Variants in CNTN4 observed in about 807,000 individuals in gnomAD.
CNTN4 encodes the protein contactin 4.
Under a neutral mutation model 122.5 loss-of-function variants are expected in CNTN4, and 77 were observed. That is an observed-to-expected ratio of 0.63 (90% CI 0.52 to 0.76). The LOEUF (loss-of-function observed/expected upper bound fraction) is 0.76, where lower values mean the gene tolerates loss of function less well. Ranked by LOEUF, CNTN4 falls within the 30% of genes least tolerant of loss-of-function variation. CNTN4 has a pLI of 0.00. For synonymous variants in CNTN4, 512 were observed against 447.0 expected, an observed-to-expected ratio of 1.15 and a Z score of -1.83; for missense variants, 1,256 against 1,259.1, an observed-to-expected ratio of 1.00 and a Z score of 0.04.
chr3:2,542,690 G>C (rs768363422), intron 3 of CNTN4, among the ~76,000 whole-genome samples: 2 of 152,236 alleles, frequency 1.3e-5, no homozygotes, highest in East Asian at 3.9e-4. Context: ...TGTCATCATA[G>C]AGATGCTTTG....
chr3:2,362,851 A>T (rs544617509), intron 3 of CNTN4: 2 of 179,512 alleles, frequency 1.1e-5, no homozygotes, highest in East Asian at 3.2e-4. Flanking sequence ...ACAATCAATC[A>T]GTCAATACAT....
chr3:2,778,900 G>C (rs1481395205), intron 6 of CNTN4, among the ~76,000 whole-genome samples: 1 of 152,016 alleles, frequency 6.6e-6, no homozygotes, highest in Non-Finnish European at 1.5e-5. Context: ...ATATTCCCAG[G>C]GCTGTAATGC....
At chr3:2,515,668 C>T (rs758664145) in intron 3 of CNTN4, among the ~76,000 whole-genome samples, 1 of 151,986 alleles carries the variant, frequency 6.6e-6, no homozygotes, top group Non-Finnish European at 1.5e-5. Context: ...TAGTTGAAAA[C>T]AGCAGATGAA....
intron 13 of CNTN4, among the ~76,000 whole-genome samples, chr3:2,956,351 A>G (rs1418496158): frequency 6.6e-6 from 1 of 152,120 alleles, no homozygotes; most frequent in Non-Finnish European, 1.5e-5. Flanking sequence ...AAAGTTCTGA[A>G]GATGGATGGT....
chr3:2,439,287 G>A (rs1054121889), intron 3 of CNTN4, among the ~76,000 whole-genome samples: 16 of 152,180 alleles, frequency 1.1e-4, no homozygotes, highest in African/African-American at 3.6e-4. Flanking sequence ...TGAACTAGAA[G>A]CTGGGATGGG....
rs542532571 is a variant in CNTN4 at position 2,121,542 on chromosome 3, C to T, written c.-145+20903C>T. Among the ~76,000 whole-genome samples the T allele has an allele frequency of 2.9e-3, 442 of 151,740 alleles. 1 individual carries two copies. The highest frequency in any genetic ancestry group is 4.9e-3 in the Non-Finnish European group (333 of 67,938). On this transcript the variant is annotated intron_variant, in intron 2 of 24. Transcript: ENST00000418658. ...AAGTTGTGTGCACGGGGACCCATAT[C>T]CTCCAGTCCTATAGAATTGTAAGTT... is the stretch of plus-strand genomic sequence containing the variant.
chr3:2,271,757 A>G (rs939475182), intron 2 of CNTN4, among the ~76,000 whole-genome samples: 1 of 152,154 alleles, frequency 6.6e-6, no homozygotes, highest in South Asian at 2.1e-4. Context: ...ATTGGAGGCT[A>G]AGAATTATGA....
chr3:2,182,418 A>T (rs1162222303), intron 2 of CNTN4, among the ~76,000 whole-genome samples: 4 of 152,148 alleles, frequency 2.6e-5, no homozygotes, highest in Non-Finnish European at 5.9e-5. Context: ...TAGAGATCTA[A>T]CATTAGTTGT....
chr3:2,331,316 G>A (rs1313581421), intron 2 of CNTN4, among the ~76,000 whole-genome samples: 1 of 152,106 alleles, frequency 6.6e-6, no homozygotes, highest in Non-Finnish European at 1.5e-5. Context: ...CATTGTAGAA[G>A]TAGGCCCTTA....
intron 13 of CNTN4, among the ~76,000 whole-genome samples, chr3:2,964,385 A>C (rs1053865057): frequency 1.4e-4 from 22 of 152,164 alleles, no homozygotes; most frequent in African/African-American, 5.3e-4. Context: ...CAAATGATAC[A>C]TGTTTTTCAC....
At chr3:2,801,419 A>G (rs2092343732) in intron 6 of CNTN4, among the ~76,000 whole-genome samples, 1 of 152,252 alleles carries the variant, frequency 6.6e-6, no homozygotes, top group South Asian at 2.1e-4. Flanking sequence ...ACACTAATCA[A>G]GAGGAGCAAT....
At chr3:2,831,277 A>G (rs1284077193) in intron 7 of CNTN4, among the ~76,000 whole-genome samples, 2 of 152,224 alleles carry the variant, frequency 1.3e-5, no homozygotes, top group East Asian at 3.8e-4. Context: ...CTGTATATTA[A>G]TCAATGACAA....
chr3:2,483,835 C>G (rs1024437377), intron 3 of CNTN4, among the ~76,000 whole-genome samples: 8 of 152,102 alleles, frequency 5.3e-5, no homozygotes, highest in Non-Finnish European at 8.8e-5. Flanking sequence ...TACCCAGTCT[C>G]AGGTATTTCT....
At position 2,352,250 on chromosome 3, in the gene CNTN4, C is replaced by T. The variant is rs541407263; in HGVS notation, c.-89+13017C>T. 1.6e-4 allele frequency among the ~76,000 whole-genome samples: 24 copies of T among 152,278 alleles called. 1 individual carries two copies. The South Asian group carries it at 3.1e-3, about 20-fold the overall frequency. The stretch of plus-strand genomic sequence containing the variant: ...GGTGACAATGTGCTAGCAGCCCTCG[C>T]TCACTGTGGGCACCTCCTCAGGCCA... On this transcript the variant is annotated intron_variant, in intron 3 of 24. Transcript: ENST00000418658.
chr3:2,421,030 C>T (rs2047595410), intron 3 of CNTN4, among the ~76,000 whole-genome samples: 1 of 152,090 alleles, frequency 6.6e-6, no homozygotes, highest in Admixed American at 6.6e-5. Flanking sequence ...TCTGGGAAAA[C>T]TCAAACTAAG....
intron 3 of CNTN4, among the ~76,000 whole-genome samples, chr3:2,413,029 A>G (rs531915800): frequency 1.3e-5 from 2 of 152,330 alleles, no homozygotes; most frequent in South Asian, 4.1e-4. Flanking sequence ...TTTTTATTCA[A>G]AAATGTGTGC....
intron 3 of CNTN4, among the ~76,000 whole-genome samples, chr3:2,545,885 A>G (rs1307646018): frequency 6.6e-6 from 1 of 152,006 alleles, no homozygotes; most frequent in African/African-American, 2.4e-5. Context: ...AAGAAGACAT[A>G]CAGTATGCAG....
intron 3 of CNTN4, among the ~76,000 whole-genome samples, chr3:2,375,839 T>C (rs547124468): frequency 6.6e-6 from 1 of 152,220 alleles, no homozygotes; most frequent in African/African-American, 2.4e-5. Context: ...CTGAATTGCT[T>C]GAAAATGTTA....
At chr3:2,532,961 A>G (rs1207819131) in intron 3 of CNTN4, among the ~76,000 whole-genome samples, 1 of 152,136 alleles carries the variant, frequency 6.6e-6, no homozygotes, top group Non-Finnish European at 1.5e-5. Context: ...ACAGAGCAGC[A>G]TAAGAAATGA....
Sources: gnomAD v4.1 joint callset for allele counts (sites outside exome capture counted in the v4.1 genomes callset) on GRCh38, gnomAD v4.1.1 for gene constraint, MANE v1.5 for transcripts, NCBI Gene and HGNC (gene_info 2026-07-23, HGNC 2026-07-21) for gene names.